The following COX7B2 variants were observed in gnomAD, a reference collection of about 807,000 sequenced individuals.
The protein encoded by COX7B2 is cytochrome c oxidase subunit 7B2, also known as cytochrome c oxidase subunit 7B2, mitochondrial.
For missense variants in COX7B2, 109 were observed against 95.9 expected, an observed-to-expected ratio of 1.14 and a Z score of -0.57; for synonymous variants, 37 against 32.1, an observed-to-expected ratio of 1.15 and a Z score of -0.51.
At chr4:46,756,939 A>G (rs1484799053) in intron 2 of COX7B2, among the ~76,000 whole-genome samples, 1 of 152,122 alleles carries the variant, frequency 6.6e-6, no homozygotes, top group Non-Finnish European at 1.5e-5. Flanking sequence ...TACTGGGTAT[A>G]TACCCAAAGG....
intron 2 of COX7B2, among the ~76,000 whole-genome samples, chr4:46,777,797 A>G (rs1179089219): frequency 6.6e-6 from 1 of 152,120 alleles, no homozygotes; most frequent in Admixed American, 6.5e-5. Flanking sequence ...CATGTGACAT[A>G]AGGCAAATAC....
rs569539160 is a variant in COX7B2, at chr4:46,820,647, C to A, written c.-50+24313G>T. 6.9e-4 allele frequency among the ~76,000 whole-genome samples: 105 copies of A among 151,950 alleles called. No homozygotes were observed. In the Middle Eastern group the frequency reaches 0.014, roughly 20 times the overall value. On this transcript the variant is annotated intron_variant, in intron 2 of 2. Coordinates refer to ENST00000355591, the MANE Select transcript of COX7B2 (RefSeq NM_130902.3). The stretch of plus-strand genomic sequence containing the variant: ...GTTCGAGACCAGCCTGACCAACAAA[C>A]CCCGTCTCTACTAAAAATACAAAAT...
intron 2 of COX7B2, among the ~76,000 whole-genome samples, chr4:46,778,351 A>G (rs1717268831): frequency 6.6e-6 from 1 of 152,156 alleles, no homozygotes; most frequent in African/African-American, 2.4e-5. Flanking sequence ...TTCAATATAC[A>G]GTAACAATGA....
At chr4:46,817,282 A>C (rs1340265097) in intron 2 of COX7B2, among the ~76,000 whole-genome samples, 1 of 152,178 alleles carries the variant, frequency 6.6e-6, no homozygotes, top group Non-Finnish European at 1.5e-5. Context: ...TATTTGCATA[A>C]ATTATTTTTT....
chr4:46,869,844 A>T (rs1259000378), intron 1 of COX7B2, among the ~76,000 whole-genome samples: 1 of 152,036 alleles, frequency 6.6e-6, no homozygotes, highest in Non-Finnish European at 1.5e-5. Context: ...TCTGATGATT[A>T]TGTGTCTTGG....
At chr4:46,776,418 G>C (rs1305860980) in intron 2 of COX7B2, among the ~76,000 whole-genome samples, 1 of 151,452 alleles carries the variant, frequency 6.6e-6, no homozygotes, top group Non-Finnish European at 1.5e-5. Context: ...GTGTGTGTGT[G>C]TGTGTCTGTG....
At chr4:46,815,619 G>A (rs1719512093) in intron 2 of COX7B2, among the ~76,000 whole-genome samples, 1 of 152,044 alleles carries the variant, frequency 6.6e-6, no homozygotes, top group Admixed American at 6.5e-5. Flanking sequence ...CAGAAATGCA[G>A]ATTCAATTTT....
At chr4:46,746,991 TAAA>T (rs1217851601) in intron 2 of COX7B2, among the ~76,000 whole-genome samples, 7 of 152,060 alleles carry the variant, frequency 4.6e-5, no homozygotes, top group Non-Finnish European at 7.4e-5. Context: ...CAAAAAGTAA[TAAA>T]AAATATGATC....
At chr4:46,799,267 A>G (rs982685940) in intron 2 of COX7B2, among the ~76,000 whole-genome samples, 1 of 152,130 alleles carries the variant, frequency 6.6e-6, no homozygotes, top group Admixed American at 6.5e-5. Context: ...TTGGGCAGAA[A>G]CGATGAGGTT....
intron 2 of COX7B2, among the ~76,000 whole-genome samples, chr4:46,837,272 CAT>C (rs1328570221): frequency 6.5e-5 from 8 of 122,412 alleles, no homozygotes; most frequent in Non-Finnish European, 1.0e-4. Context: ...CACACAAAGA[CAT>C]ACACACACAC....
At chr4:46,780,462 A>G (rs1717387741) in intron 2 of COX7B2, among the ~76,000 whole-genome samples, 1 of 152,214 alleles carries the variant, frequency 6.6e-6, no homozygotes, top group Non-Finnish European at 1.5e-5. Flanking sequence ...GCTTGCAGTG[A>G]GCCAAGATCG....
chr4:46,743,437 T>C (rs1714830085), intron 2 of COX7B2, among the ~76,000 whole-genome samples: 1 of 152,206 alleles, frequency 6.6e-6, no homozygotes, highest in Non-Finnish European at 1.5e-5. Context: ...ATGTATTTCA[T>C]TAACTTAAAA....
At chr4:46,794,046 T>C (rs554501167) in intron 2 of COX7B2, among the ~76,000 whole-genome samples, 1 of 152,308 alleles carries the variant, frequency 6.6e-6, no homozygotes, top group East Asian at 1.9e-4. Context: ...CCACAGCCTC[T>C]CTTTGTTTCT....
chr4:46,905,025 CT>C (rs1462114541), intron 1 of COX7B2, among the ~76,000 whole-genome samples: 5 of 152,094 alleles, frequency 3.3e-5, no homozygotes, highest in Non-Finnish European at 5.9e-5. Flanking sequence ...AAATTAAAAC[CT>C]TTTCGAGCCT....
chr4:46,859,025 G>A (rs1344918917), intron 1 of COX7B2, among the ~76,000 whole-genome samples: 1 of 152,146 alleles, frequency 6.6e-6, no homozygotes, highest in Non-Finnish European at 1.5e-5. Context: ...AACTTACGAT[G>A]TAAAAAATAC....
At chr4:46,853,533 AT>A (rs749828865) in intron 1 of COX7B2, among the ~76,000 whole-genome samples, 29 of 151,222 alleles carry the variant, frequency 1.9e-4, no homozygotes, top group South Asian at 8.4e-4. Context: ...AGTTATGTAC[AT>A]TTTTTTTTAC....
At chr4:46,908,430 T>C (rs1436786633) in intron 1 of COX7B2, among the ~76,000 whole-genome samples, 1 of 152,132 alleles carries the variant, frequency 6.6e-6, no homozygotes, top group Non-Finnish European at 1.5e-5. Flanking sequence ...GCTTATTGGC[T>C]TTTGCTCACA....
chr4:46,884,746 G>C (rs1441974594), intron 1 of COX7B2, among the ~76,000 whole-genome samples: 2 of 152,160 alleles, frequency 1.3e-5, no homozygotes, highest in Non-Finnish European at 1.5e-5. Context: ...CTTTTTGAAT[G>C]TTGTCCTTGT....
intron 1 of COX7B2, among the ~76,000 whole-genome samples, chr4:46,894,277 C>T (rs1021813156): frequency 3.9e-4 from 59 of 152,004 alleles, no homozygotes; most frequent in African/African-American, 1.3e-3. Context: ...TATTACAGGG[C>T]TACAGTAATC....
Sources: allele counts gnomAD v4.1 joint callset (sites outside exome capture counted in the v4.1 genomes callset), GRCh38; gene constraint gnomAD v4.1.1; transcripts MANE v1.5; gene names NCBI Gene and HGNC (gene_info 2026-07-23, HGNC 2026-07-21).